The following SNX33 variants were observed in gnomAD, a reference collection of about 807,000 sequenced individuals.
The protein encoded by SNX33 is sorting nexin 33.
Under a neutral mutation model 38.8 loss-of-function variants are expected in SNX33, and 19 were observed. That is an observed-to-expected ratio of 0.49 (90% CI 0.34 to 0.72). The LOEUF (loss-of-function observed/expected upper bound fraction) is 0.72, where lower values mean the gene tolerates loss of function less well. SNX33 is among the 30% of genes least tolerant of loss of function. The probability of loss-of-function intolerance (pLI) is 0.01; values close to 1 mark genes in which losing one functional copy is unlikely to be tolerated. For synonymous variants in SNX33, 246 were observed against 289.7 expected (o/e 0.85, Z 1.53); for missense variants, 641 against 776.4 (o/e 0.83, Z 2.07).
At chr15:75,651,873 C>T in intron 1 of SNX33, among the ~76,000 whole-genome samples, 1 of 152,216 alleles carries the variant, frequency 6.6e-6, no homozygotes, top group East Asian at 1.9e-4. Context: ...AAACATGTCA[C>T]CCACCACCAC....
At position 75,650,095 on chromosome 15, in the gene SNX33, T is replaced by C. The variant is rs1170475357; in HGVS notation, c.993T>C (p.His331=). 1 of 1,613,978 alleles carries C rather than the reference T, an allele frequency of 6.2e-7. No homozygotes were observed. Among genetic ancestry groups the C allele is most frequent in the Non-Finnish European group, 8.5e-7 (1 of 1,179,996 alleles). ...TCTCCCAGTACGAAGGCTTCCAGCATTTCCTCAGCTGCCTGGATGACAAGC... is the reference window on the plus strand; with the variant it reads ...TCTCCCAGTACGAAGGCTTCCAGCACTTCCTCAGCTGCCTGGATGACAAGC... The part of the protein sequence containing the change: ...PVLSQYEGFQ[H]FLSCLDDKQW... Residue 331 remains histidine, a synonymous_variant, in exon 1 of 2, where the codon CAT becomes CAC. Coordinates refer to ENST00000308527, the MANE Select transcript of SNX33 (RefSeq NM_153271.2). This position sits in a 1 kb window ranked among gnomAD's most constrained non-coding sequence, Gnocchi z 6.1.
At position 75,649,532 on chromosome 15, in the gene SNX33, A is replaced by C. The variant is rs767105040; in HGVS notation, c.430A>C (p.Asn144His). ...GLGTNGHPPL[N>H]LSYPGAYPSQ... Reference sequence around the variant, plus strand: ...GGGCACCAACGGGCACCCTCCCCTCAACCTCTCCTACCCTGGTGCCTACCC... The same window carrying C: ...GGGCACCAACGGGCACCCTCCCCTCCACCTCTCCTACCCTGGTGCCTACCC... Residue 144 changes from asparagine (N) to histidine (H), a missense_variant, in exon 1 of 2, where the codon AAC becomes CAC. Physicochemically the swap from Asn to His is moderately conservative, Grantham distance 68 (BLOSUM62 1). Coordinates refer to ENST00000308527, the MANE Select transcript of SNX33 (RefSeq NM_153271.2). The surrounding 1 kb of genome is among the most constrained non-coding windows in gnomAD (Gnocchi z 6.6). The C allele has an allele frequency of 1.9e-6, 3 of 1,600,176 alleles. No individual in the cohort carries two copies. The East Asian group carries it at 6.7e-5, about 36-fold the overall frequency.
rs765623933 is a variant in SNX33, at chr15:75,650,108, C to G, written c.1006C>G (p.Leu336Val). Residue 336 changes from leucine to valine, a missense_variant, in exon 1 of 2, where the codon CTG becomes GTG. By Grantham distance (32) the Leu-to-Val change is conservative. Around this residue, in one of 2 missense-constraint regions of SNX33, gnomAD observed 398 missense variants for 542.5 expected, o/e 0.73. Transcript: ENST00000308527. The surrounding 1 kb of genome is among the most constrained non-coding windows in gnomAD (Gnocchi z 6.1). Reference sequence around the variant, plus strand: ...AGGCTTCCAGCATTTCCTCAGCTGCCTGGATGACAAGCAGTGGAAGATGGG... The same window carrying G: ...AGGCTTCCAGCATTTCCTCAGCTGCGTGGATGACAAGCAGTGGAAGATGGG... ...YEGFQHFLSC[L>V]DDKQWKMGKR... The G allele has an allele frequency of 2.0e-5, 32 of 1,614,018 alleles. No homozygotes were observed. The highest frequency in any genetic ancestry group is 2.6e-5 in the Non-Finnish European group (31 of 1,180,030).
At chr15:75,654,200 A>C (rs1893624420) in intron 1 of SNX33, among the ~76,000 whole-genome samples, 2 of 152,194 alleles carry the variant, frequency 1.3e-5, no homozygotes, top group Non-Finnish European at 2.9e-5. Context: ...AACTGTGTAC[A>C]TATTAGTTCA....
chr15:75,661,126 C>T lies in SNX33; in HGVS notation c.*3911C>T, dbSNP rs537282753. 13 of 152,398 alleles carry T rather than the reference C, an allele frequency of 8.5e-5. No homozygotes were observed. The highest frequency in any genetic ancestry group is 3.1e-4 in the African/African-American group (13 of 41,576). 9.4% of individuals were successfully genotyped at this position (152,398 alleles called of 1,614,324 possible). A position where few individuals can be genotyped will look rare whatever the true frequency, so the allele number is the denominator to read the frequency against. ...CTCTGGGCCAGGCTGCCTCTGAAGG[C>T]CCCTGGCTGAACCGATCCAGCAGAG... On this transcript the variant is annotated 3_prime_UTR_variant, in exon 2 of 2. Coordinates refer to ENST00000308527, the MANE Select transcript of SNX33 (RefSeq NM_153271.2). The surrounding 1 kb of genome is among the most constrained non-coding windows in gnomAD (Gnocchi z 4.5).
At chr15:75,653,747 TGGCGACTGTA>T (rs1342855469) in intron 1 of SNX33, among the ~76,000 whole-genome samples, 1 of 152,136 alleles carries the variant, frequency 6.6e-6, no homozygotes, top group Non-Finnish European at 1.5e-5. Context: ...CAAGGCAAAG[TGGCGACTGTA>T]GGGACAAGTT....
intron 1 of SNX33, among the ~76,000 whole-genome samples, chr15:75,652,084 T>A (rs112123403): frequency 3.3e-5 from 5 of 151,636 alleles, no homozygotes; most frequent in African/African-American, 1.2e-4. Flanking sequence ...TGAGTGCTAG[T>A]CTTGGCTCTG....
chr15:75,649,298 A>G lies in SNX33; in HGVS notation c.196A>G (p.Asn66Asp). Residue 66 changes from asparagine to aspartate, a missense_variant, in exon 1 of 2, where the codon AAC becomes GAC. Coordinates refer to ENST00000308527, the MANE Select transcript of SNX33 (RefSeq NM_153271.2). The surrounding 1 kb of genome is among the most constrained non-coding windows in gnomAD (Gnocchi z 6.6). ...VEIVRSGIST[N>D]HADYSSSPAG... ...GATCGTCCGTTCTGGCATCAGCACCAACCATGCTGACTACTCCAGCAGCCC... is the reference window on the plus strand; with the variant it reads ...GATCGTCCGTTCTGGCATCAGCACCGACCATGCTGACTACTCCAGCAGCCC... 6.2e-7 allele frequency: 1 copy of G among 1,608,608 alleles called. No homozygotes were observed. Among genetic ancestry groups the G allele is most frequent in the Non-Finnish European group, 8.5e-7 (1 of 1,176,500 alleles).
At chr15:75,654,080 A>G (rs978771751) in intron 1 of SNX33, among the ~76,000 whole-genome samples, 5 of 150,822 alleles carry the variant, frequency 3.3e-5, no homozygotes, top group Non-Finnish European at 5.9e-5. Context: ...GCAGCAGAAC[A>G]AGACTCCATC....
In SNX33 at chr15:75,657,116, C is replaced by T; in HGVS notation, c.1626C>T (p.Phe542=). The T allele has an allele frequency of 6.2e-7, 1 of 1,614,190 alleles. No individual in the cohort carries two copies. The highest frequency in any genetic ancestry group is 8.5e-7 in the Non-Finnish European group (1 of 1,180,014). ...TCCACCAGCGCCGTGAGCTCGACTT[C>T]AAGCACATGATGCAGAACTACTTGC... The part of the protein sequence containing the change: ...NHFHQRRELD[F]KHMMQNYLRQ... The change falls in exon 2 of 2, where the codon TTC becomes TTT. Residue 542 remains phenylalanine (F), a synonymous_variant. Transcript: ENST00000308527. This position sits in a 1 kb window ranked among gnomAD's most constrained non-coding sequence, Gnocchi z 5.5.
intron 1 of SNX33, among the ~76,000 whole-genome samples, chr15:75,654,695 A>G (rs1192278864): frequency 6.6e-6 from 1 of 152,228 alleles, no homozygotes; most frequent in Non-Finnish European, 1.5e-5. Flanking sequence ...GGTGGGGTGC[A>G]TTAGCATTAG....
At position 75,657,683 on chromosome 15, in the gene SNX33, G is replaced by T; in HGVS notation, c.*468G>T. 4.8e-6 allele frequency: 1 copy of T among 207,754 alleles called. No individual in the cohort carries two copies. Among genetic ancestry groups the T allele is most frequent in the Non-Finnish European group, 1.0e-5 (1 of 100,406 alleles). 12.9% of individuals were successfully genotyped at this position (207,754 alleles called of 1,614,324 possible). On this transcript the variant is annotated 3_prime_UTR_variant, in exon 2 of 2. Coordinates refer to ENST00000308527, the MANE Select transcript of SNX33 (RefSeq NM_153271.2). The surrounding 1 kb of genome is among the most constrained non-coding windows in gnomAD (Gnocchi z 5.5). ...GACACAGACAGAGTCAATGCAGTAT[G>T]ACTGATGTTTAAGTGAGGGATTTCT... is the stretch of plus-strand genomic sequence containing the variant.
rs745376955 is a variant in SNX33, at chr15:75,650,011, C to T, written c.909C>T (p.Ile303=). The T allele has an allele frequency of 5.0e-6, 8 of 1,600,614 alleles. No individual in the cohort carries two copies. The highest frequency in any genetic ancestry group is 6.0e-6 in the Non-Finnish European group (7 of 1,174,016). Residue 303 remains isoleucine (I), a synonymous_variant, in exon 1 of 2, where the codon ATC becomes ATT. Transcript: ENST00000308527. This position sits in a 1 kb window ranked among gnomAD's most constrained non-coding sequence, Gnocchi z 6.1. ...CTGGCCGCTTCGAGGAGGACTTCATCGAAAAGCGGAAGCGGAGACTCATCC... is the reference window on the plus strand; with the variant it reads ...CTGGCCGCTTCGAGGAGGACTTCATTGAAAAGCGGAAGCGGAGACTCATCC... ...QATGRFEEDF[I]EKRKRRLILW...
rs921019626 is a variant in SNX33 at position 75,649,422 on chromosome 15, G to T, written c.320G>T (p.Gly107Val). 3 of 1,539,312 alleles carry T rather than the reference G, an allele frequency of 1.9e-6. No homozygotes were observed. The highest frequency in any genetic ancestry group is 2.6e-6 in the Non-Finnish European group (3 of 1,140,500). ...GGCAGTGGCTTCCTCTCAAACCAGGGTAGCTTTGAGGAGGATGATGATGAT... is the reference window on the plus strand; with the variant it reads ...GGCAGTGGCTTCCTCTCAAACCAGGTTAGCTTTGAGGAGGATGATGATGAT... ...GGGSGFLSNQ[G>V]SFEEDDDDDW... Residue 107 changes from glycine (G) to valine (V), a missense_variant, in exon 1 of 2, where the codon GGT becomes GTT. Transcript: ENST00000308527. The surrounding 1 kb of genome is among the most constrained non-coding windows in gnomAD (Gnocchi z 6.6).
Position 75,650,101 on chromosome 15 carries a change from C to T in SNX33, c.999C>T (p.Leu333=), listed in dbSNP as rs760031793. ...LSQYEGFQHF[L]SCLDDKQWKM... ...AGTACGAAGGCTTCCAGCATTTCCT[C>T]AGCTGCCTGGATGACAAGCAGTGGA... The change falls in exon 1 of 2, where the codon CTC becomes CTT. Residue 333 remains leucine (L), a synonymous_variant. Transcript: ENST00000308527. The surrounding 1 kb of genome is among the most constrained non-coding windows in gnomAD (Gnocchi z 6.1). The T allele has an allele frequency of 1.2e-6, 2 of 1,614,126 alleles. No individual in the cohort carries two copies. The highest frequency in any genetic ancestry group is 1.7e-6 in the Non-Finnish European group (2 of 1,180,016).
Position 75,649,435 on chromosome 15 carries a change from G to T in SNX33, c.333G>T (p.Glu111Asp). The change falls in exon 1 of 2, where the codon GAG (glutamate) becomes GAT (aspartate). Residue 111 changes from glutamate (E) to aspartate (D), a missense_variant. Glu to Asp is a conservative substitution (Grantham distance 45). Coordinates refer to ENST00000308527, the MANE Select transcript of SNX33 (RefSeq NM_153271.2). The surrounding 1 kb of genome is among the most constrained non-coding windows in gnomAD (Gnocchi z 6.6). ...GFLSNQGSFE[E>D]DDDDDWDDWD... ...TCTCAAACCAGGGTAGCTTTGAGGAGGATGATGATGATGACTGGGATGACT... is the reference window on the plus strand; with the variant it reads ...TCTCAAACCAGGGTAGCTTTGAGGATGATGATGATGATGACTGGGATGACT... The T allele has an allele frequency of 6.5e-7, 1 of 1,537,750 alleles. No individual in the cohort carries two copies. Among genetic ancestry groups the T allele is most frequent in the African/African-American group, 1.4e-5 (1 of 73,106 alleles).
At position 75,648,405 on chromosome 15, in the gene SNX33, G is replaced by T. The variant is rs1382465617; in HGVS notation, c.-698G>T. 4 of 985,306 alleles carry T rather than the reference G, an allele frequency of 4.1e-6. No homozygotes were observed. Among genetic ancestry groups the T allele is most frequent in the Non-Finnish European group, 4.8e-6 (4 of 829,966 alleles). 61.0% of individuals were successfully genotyped at this position (985,306 alleles called of 1,614,324 possible). A position where few individuals can be genotyped will look rare whatever the true frequency, so the allele number is the denominator to read the frequency against. Reference sequence around the variant, plus strand: ...CGCAGCCGGGGTCGAAGAGTTGGCGGCCTGTTGTGTAAGCCTCAGTCCTTG... The same window carrying T: ...CGCAGCCGGGGTCGAAGAGTTGGCGTCCTGTTGTGTAAGCCTCAGTCCTTG... On this transcript the variant is annotated 5_prime_UTR_variant, in exon 1 of 2. Transcript: ENST00000308527. This position sits in a 1 kb window ranked among gnomAD's most constrained non-coding sequence, Gnocchi z 4.4.
Position 75,660,143 on chromosome 15 carries a change from C to T in SNX33, c.*2928C>T, listed in dbSNP as rs1026211339. 2 of 152,232 alleles carry T rather than the reference C, an allele frequency of 1.3e-5. No homozygotes were observed. Among genetic ancestry groups the T allele is most frequent in the African/African-American group, 4.8e-5 (2 of 41,434 alleles). 9.4% of individuals were successfully genotyped at this position (152,232 alleles called of 1,614,324 possible). On this transcript the variant is annotated 3_prime_UTR_variant, in exon 2 of 2. Transcript: ENST00000308527. ...TACTTTGCTCTGAGGGGGTGGAAAA[C>T]AAGGCTTCTCTTTCTGCCCTGGACA... is the stretch of plus-strand genomic sequence containing the variant.
rs917160784 is a variant in SNX33 at position 75,659,433 on chromosome 15, T to A, written c.*2218T>A. 1 of 152,102 alleles carries A rather than the reference T, an allele frequency of 6.6e-6. No homozygotes were observed. The highest frequency in any genetic ancestry group is 1.5e-5 in the Non-Finnish European group (1 of 68,050). 9.4% of individuals were successfully genotyped at this position (152,102 alleles called of 1,614,324 possible). A position where few individuals can be genotyped will look rare whatever the true frequency, so the allele number is the denominator to read the frequency against. ...TCCTCAGAGGAACTTCTGGAATGGG[T>A]CCCCCTGGCCCTTGGTCAACATTAG... On this transcript the variant is annotated 3_prime_UTR_variant, in exon 2 of 2. Coordinates refer to ENST00000308527, the MANE Select transcript of SNX33 (RefSeq NM_153271.2).
Sources: gnomAD v4.1 joint callset for allele counts (sites outside exome capture counted in the v4.1 genomes callset) on GRCh38, gnomAD v4.1.1 for gene constraint, gnomAD v4.1.1 regional missense constraint, Gnocchi (gnomAD v3.1) non-coding constraint, MANE v1.5 for transcripts, NCBI Gene and HGNC (gene_info 2026-07-23, HGNC 2026-07-21) for gene names.